HMCN1: variants seen among roughly 807,000 people sequenced by gnomAD.
The protein encoded by HMCN1 is hemicentin 1, also known as hemicentin-1.
HMCN1 carries 321 observed loss-of-function variants against 625.9 expected under a neutral mutation model. That is an observed-to-expected ratio of 0.51 (90% CI 0.47 to 0.56). The LOEUF (loss-of-function observed/expected upper bound fraction) is 0.56. Ranked by LOEUF, HMCN1 falls within the 20% of genes least tolerant of loss-of-function variation. The pLI, the probability that HMCN1 is intolerant of heterozygous loss-of-function variation, is 0.00. For missense variants in HMCN1, 6,588 were observed against 6,887.3 expected (o/e 0.96, Z 1.54); for synonymous variants, 2,425 against 2,417.6 (o/e 1.00, Z -0.09).
chr1:186,164,660 G>A (rs1435181905), intron 97 of HMCN1, among the ~76,000 whole-genome samples: 1 of 152,126 alleles, frequency 6.6e-6, no homozygotes, highest in Non-Finnish European at 1.5e-5. Flanking sequence ...TGCTAATGCG[G>A]GAGATCCACA....
chr1:185,748,026 T>C (rs1179629045), intron 1 of HMCN1, among the ~76,000 whole-genome samples: 2 of 140,804 alleles, frequency 1.4e-5, no homozygotes, highest in Non-Finnish European at 3.0e-5. Context: ...CAAGAAAGGG[T>C]ACTTAAAATT....
Position 185,989,489 on chromosome 1 carries a change from A to C in HMCN1, c.3050A>C (p.Lys1017Thr), listed in dbSNP as rs777562375. ...TTTGCTTTTCGCCGTGTTTTGCAGA[A>C]AGGAGAGCTGATTTCAACCAGCAGT... ...NPKPSVIWSK[K>T]GELISTSSAK... is the part of the protein sequence containing the mutation. The change falls in exon 21 of 107, where the codon AAA (lysine) becomes ACA (threonine). Residue 1017 changes from lysine (K) to threonine (T), a missense_variant and splice_region_variant. Physicochemically the swap from Lys to Thr is moderately conservative, Grantham distance 78. Transcript: ENST00000271588. The C allele has an allele frequency of 3.1e-6, 5 of 1,613,970 alleles. No homozygotes were observed. The South Asian group carries it at 5.5e-5, about 18-fold the overall frequency.
chr1:185,951,453 G>T (rs866157959), intron 11 of HMCN1, among the ~76,000 whole-genome samples: 1 of 141,732 alleles, frequency 7.1e-6, no homozygotes, highest in Non-Finnish European at 1.5e-5. Context: ...GGTAGCCTCT[G>T]TATTGATTAA....
intron 1 of HMCN1, among the ~76,000 whole-genome samples, chr1:185,744,046 T>C (rs925246602): frequency 3.5e-4 from 50 of 144,292 alleles, no homozygotes; most frequent in Non-Finnish European, 6.1e-4. Flanking sequence ...TGGAGTGCAG[T>C]GGCGCAATCT....
At chr1:186,124,698 G>A (rs1462853890) in intron 81 of HMCN1, among the ~76,000 whole-genome samples, 7 of 151,984 alleles carry the variant, frequency 4.6e-5, no homozygotes, top group Non-Finnish European at 1.0e-4. Context: ...TTAACTGAAA[G>A]TAGCTAATTA....
chr1:185,966,806 C>A (rs1286258437), intron 14 of HMCN1, among the ~76,000 whole-genome samples: 1 of 151,988 alleles, frequency 6.6e-6, no homozygotes, highest in African/African-American at 2.4e-5. Context: ...TAGGAATTCA[C>A]CTCAAGTTCA....
At chr1:186,045,533 C>T (rs915745345) in intron 40 of HMCN1, among the ~76,000 whole-genome samples, 155 bp from the exon 41 acceptor site, 3 of 152,118 alleles carry the variant, frequency 2.0e-5, no homozygotes, top group African/African-American at 7.2e-5. Context: ...TTTATTAGGA[C>T]TTGAACCAAG....
chr1:186,121,668 G>A (rs1215902238), intron 80 of HMCN1, among the ~76,000 whole-genome samples: 1 of 152,106 alleles, frequency 6.6e-6, no homozygotes, highest in Non-Finnish European at 1.5e-5. Flanking sequence ...TCCTAGTGGA[G>A]ATGTCAAGTA....
rs182763808 is a variant in HMCN1 at position 185,855,324 on chromosome 1, C to T, written c.340-9146C>T. ...CTTGAAGAGGGTAAGAAAGAATTCT[C>T]TAAGAAGCTGAGAAGAGGATGGTTA... is the stretch of plus-strand genomic sequence containing the variant. On this transcript the variant is annotated intron_variant, in intron 2 of 106. Coordinates refer to ENST00000271588, the MANE Select transcript of HMCN1 (RefSeq NM_031935.3). Among the ~76,000 whole-genome samples, 113 of 152,210 alleles carry T rather than the reference C, an allele frequency of 7.4e-4. 1 individual carries two copies. Among genetic ancestry groups the T allele is most frequent in the South Asian group, 4.1e-4 (2 of 4,822 alleles).
At chr1:185,882,992 C>G (rs1295131977) in intron 4 of HMCN1, among the ~76,000 whole-genome samples, 1 of 151,952 alleles carries the variant, frequency 6.6e-6, no homozygotes, top group Non-Finnish European at 1.5e-5. Flanking sequence ...ATTATAGTGC[C>G]AGATTGTGAG....
intron 2 of HMCN1, among the ~76,000 whole-genome samples, chr1:185,859,567 G>A (rs1662734260): frequency 6.6e-6 from 1 of 151,886 alleles, no homozygotes; most frequent in African/African-American, 2.4e-5. Flanking sequence ...ATTTTCACTA[G>A]CCACATTTCA....
chr1:186,166,935 T>C lies in HMCN1; in HGVS notation c.15567T>C (p.Ser5189=). Residue 5189 remains serine, a synonymous_variant, in exon 100 of 107, where the codon AGT becomes AGC. Transcript: ENST00000271588. Reference sequence around the variant, plus strand: ...TTCGAAGAACCTCTGATGGGCTGAGTTGTCAAGGTATAAAAATGGAGGCCT... The same window carrying C: ...TTCGAAGAACCTCTGATGGGCTGAGCTGTCAAGGTATAAAAATGGAGGCCT... The part of the protein sequence containing the change: ...SGFRRTSDGL[S]CQDINECQES... The C allele has an allele frequency of 6.2e-7, 1 of 1,614,026 alleles. No homozygotes were observed. Among genetic ancestry groups the C allele is most frequent in the South Asian group, 1.1e-5 (1 of 91,078 alleles).
rs766972964 is a variant in HMCN1 at position 186,039,802 on chromosome 1, G to A, written c.6103G>A (p.Ala2035Thr). The A allele has an allele frequency of 6.2e-7, 1 of 1,613,528 alleles. No homozygotes were observed. The highest frequency in any genetic ancestry group is 2.2e-5 in the East Asian group (1 of 44,816). Residue 2035 changes from alanine to threonine, a missense_variant, in exon 39 of 107, where the codon GCC becomes ACC. This residue lies in a region of HMCN1 where 4,628 missense variants were observed against 4,853.1 expected (regional missense o/e 0.95). Coordinates refer to ENST00000271588, the MANE Select transcript of HMCN1 (RefSeq NM_031935.3). The stretch of plus-strand genomic sequence containing the variant: ...TAACCCGGTGAGGTTAGAATGTGAA[G>A]CCAGAGGTATTCCTGCCCCAAGTCT... ...VNNPVRLECE[A>T]RGIPAPSLTW...
chr1:186,141,211 A>C lies in HMCN1; in HGVS notation c.13925-2962A>C, dbSNP rs571308827. Among the ~76,000 whole-genome samples, 141 of 152,312 alleles carry C rather than the reference A, an allele frequency of 9.3e-4. 1 individual carries two copies. The highest frequency in any genetic ancestry group is 3.3e-3 in the African/African-American group (139 of 41,580). On this transcript the variant is annotated intron_variant, in intron 89 of 106. Transcript: ENST00000271588. ...AGGAGACGGAGTTCGTGGTAATGTT[A>C]GCAATGGGGAGTAGCTGTAAATACA...
At chr1:185,980,456 C>T (rs1228413270) in intron 16 of HMCN1, among the ~76,000 whole-genome samples, 3 of 152,168 alleles carry the variant, frequency 2.0e-5, no homozygotes, top group East Asian at 1.9e-4. Flanking sequence ...GCTTCAAAGT[C>T]GTGCTGGACT....
intron 36 of HMCN1, among the ~76,000 whole-genome samples, chr1:186,034,085 T>A (rs903138760): frequency 2.5e-4 from 38 of 152,238 alleles, no homozygotes; most frequent in African/African-American, 9.2e-4. Context: ...GAACCCAATG[T>A]AATCATAAGG....
chr1:186,179,649 A>T (rs1652816008), intron 104 of HMCN1, among the ~76,000 whole-genome samples: 1 of 152,184 alleles, frequency 6.6e-6, no homozygotes, highest in South Asian at 2.1e-4. Flanking sequence ...TTCAAAGCCC[A>T]CTATGCCAGC....
At chr1:185,810,760 G>A (rs1370414476) in intron 1 of HMCN1, among the ~76,000 whole-genome samples, 1 of 151,516 alleles carries the variant, frequency 6.6e-6, no homozygotes, top group Non-Finnish European at 1.5e-5. Flanking sequence ...TAAGTGCCTG[G>A]AAAATAAAAG....
At chr1:186,114,431 G>C (rs1661033068) in intron 73 of HMCN1, among the ~76,000 whole-genome samples, 1 of 152,002 alleles carries the variant, frequency 6.6e-6, no homozygotes, top group South Asian at 2.1e-4. Context: ...CTAATTTTTT[G>C]TATTTTTAGT....
Sources: allele counts gnomAD v4.1 joint callset (sites outside exome capture counted in the v4.1 genomes callset), GRCh38; gene constraint gnomAD v4.1.1; regional missense constraint gnomAD v4.1.1; transcripts MANE v1.5; gene names NCBI Gene and HGNC (gene_info 2026-07-23, HGNC 2026-07-21).